ENTPD6: variants seen among roughly 807,000 people sequenced by gnomAD.
ENTPD6 encodes the protein CD39 antigen-like 2.
ENTPD6 carries 46 observed loss-of-function variants against 61.5 expected under a neutral mutation model. The ratio of observed to expected loss-of-function variants is 0.75; its 90% CI spans 0.59 to 0.96. The LOEUF (loss-of-function observed/expected upper bound fraction) is 0.96, where lower values mean the gene tolerates loss of function less well. Ranked by LOEUF, ENTPD6 falls within the 40% of genes least tolerant of loss-of-function variation. The pLI is 0.00. For synonymous variants in ENTPD6, 252 were observed against 255.5 expected (o/e 0.99, Z 0.13); for missense variants, 612 against 629.0 (o/e 0.97, Z 0.29).
intron 1 of ENTPD6, 147 bp from the exon 2 acceptor site, chr20:25,206,375 A>C: frequency 1.6e-6 from 1 of 624,062 alleles, no homozygotes; most frequent in Non-Finnish European, 2.8e-6. Context: ...GCTGCCTCGC[A>C]CTGGAGCAGC....
At chr20:25,197,230 ACCTGCCATC>A in intron 1 of ENTPD6, 1 of 985,366 alleles carries the variant, frequency 1.0e-6, no homozygotes. Flanking sequence ...CCAAGAGGTG[ACCTGCCATC>A]CCCATCTAGA....
intron 3 of ENTPD6, 61 bp from the exon 4 acceptor site, chr20:25,209,787 AT>A: frequency 7.1e-7 from 1 of 1,412,944 alleles, no homozygotes; most frequent in Non-Finnish European, 1.0e-6. Context: ...GCTAGTCATG[AT>A]TGTATGTGTT....
intron 12 of ENTPD6, among the ~76,000 whole-genome samples, chr20:25,223,561 C>T (rs753508098): frequency 3.9e-5 from 6 of 152,110 alleles, no homozygotes; most frequent in African/African-American, 7.2e-5. Context: ...TAAGCTGACA[C>T]GGTGCCGGCT....
At chr20:25,211,286 T>G (rs8115509) in intron 4 of ENTPD6, among the ~76,000 whole-genome samples, 41,922 of 152,180 alleles carry the variant, frequency 0.28, 6,600 homozygotes, top group East Asian at 0.61. Context: ...GATTCTAGAG[T>G]GACCTTACAG....
intron 8 of ENTPD6, 46 bp downstream of exon 8, chr20:25,216,782 C>G (rs780176216): frequency 6.8e-7 from 1 of 1,472,110 alleles, no homozygotes; most frequent in African/African-American, 1.4e-5. Context: ...CCCGAGGCCA[C>G]ACCGCCATGG....
Position 25,195,858 on chromosome 20 carries a change from G to T in ENTPD6, c.-25G>T, listed in dbSNP as rs2090323470. 4 of 1,237,434 alleles carry T rather than the reference G, an allele frequency of 3.2e-6. No individual in the cohort carries two copies. In the East Asian group the frequency reaches 9.5e-5, roughly 29 times the overall value. The allele number at this position is 1,237,434 out of a possible 1,614,324, so 76.7% of individuals were successfully genotyped here. A position where few individuals can be genotyped will look rare whatever the true frequency, so the allele number is the denominator to read the frequency against. On this transcript the variant is annotated 5_prime_UTR_variant, in exon 1 of 15. Transcript: ENST00000376652. ...CGTCTCCGTGGGTGTGGCGGAGCGC[G>T]CGGTGCATGGTAAGCGGCGGGCCGG...
chr20:25,199,588 G>A (rs1463675295), intron 1 of ENTPD6, among the ~76,000 whole-genome samples: 4 of 152,092 alleles, frequency 2.6e-5, no homozygotes, highest in Admixed American at 6.5e-5. Flanking sequence ...ATCACCATCC[G>A]TCTCCAGAAC....
At chr20:25,211,492 G>A (rs1252537804) in intron 4 of ENTPD6, among the ~76,000 whole-genome samples, 2 of 152,218 alleles carry the variant, frequency 1.3e-5, no homozygotes, top group Non-Finnish European at 2.9e-5. Context: ...GAGGCTGGTT[G>A]ATGTGTATGT....
Position 25,226,720 on chromosome 20 carries a change from CCTT to C in ENTPD6, c.*1126_*1128del, listed in dbSNP as rs1239663596. 6.6e-6 allele frequency: 1 copy of C among 152,324 alleles called. No individual in the cohort carries two copies. The highest frequency in any genetic ancestry group is 2.4e-5 in the African/African-American group (1 of 41,458). 9.4% of individuals were successfully genotyped at this position (152,324 alleles called of 1,614,324 possible). A position where few individuals can be genotyped will look rare whatever the true frequency, so the allele number is the denominator to read the frequency against. On this transcript the variant is annotated 3_prime_UTR_variant, in exon 15 of 15. Transcript: ENST00000376652. ...CAATAAAAGGTTGACAGGGGCTTCT[CCTT>C]CTCTGGGATTCCTCTCGTTGAGCGA...
At chr20:25,198,144 G>A (rs2090671411) in intron 1 of ENTPD6, among the ~76,000 whole-genome samples, 1 of 152,136 alleles carries the variant, frequency 6.6e-6, no homozygotes, top group Admixed American at 6.5e-5. Flanking sequence ...ATCTGATCAT[G>A]TAGAATATGG....
chr20:25,222,899 C>T lies in ENTPD6; in HGVS notation c.1107C>T (p.His369=). 6.2e-7 allele frequency: 1 copy of T among 1,614,124 alleles called. No homozygotes were observed. The highest frequency in any genetic ancestry group is 8.5e-7 in the Non-Finnish European group (1 of 1,180,040). ...CAGAGGTCCTTCAAAACAGAGTGCA[C>T]AGGACGGAGGAAGTGAAGCATGTGG... ...RVSEVLQNRV[H]RTEEVKHVDF... is the part of the protein sequence containing the mutation. The change falls in exon 12 of 15, where the codon CAC becomes CAT. Residue 369 remains histidine, a synonymous_variant. Coordinates refer to ENST00000376652, the MANE Select transcript of ENTPD6 (RefSeq NM_001247.5).
At chr20:25,204,247 A>G (rs576890002) in intron 1 of ENTPD6, among the ~76,000 whole-genome samples, 6 of 152,190 alleles carry the variant, frequency 3.9e-5, no homozygotes, top group African/African-American at 1.4e-4. Context: ...TCTCCCCTTT[A>G]TGCCTTGGTT....
intron 7 of ENTPD6, among the ~76,000 whole-genome samples, chr20:25,216,067 T>G (rs1049986688): frequency 6.6e-6 from 1 of 152,224 alleles, no homozygotes; most frequent in African/African-American, 2.4e-5. Context: ...GTGAATGCTA[T>G]TCACCTTCTA....
intron 1 of ENTPD6, among the ~76,000 whole-genome samples, chr20:25,204,438 C>T (rs2091296304): frequency 6.6e-6 from 1 of 151,730 alleles, no homozygotes; most frequent in Non-Finnish European, 1.5e-5. Context: ...AATTTATTTG[C>T]CTTGTTGGCT....
At chr20:25,201,638 C>A (rs987185663) in intron 1 of ENTPD6, among the ~76,000 whole-genome samples, 2 of 152,118 alleles carry the variant, frequency 1.3e-5, no homozygotes, top group African/African-American at 4.8e-5. Flanking sequence ...TACTTTCAGC[C>A]CATATGTGTT....
chr20:25,213,133 C>A, intron 4 of ENTPD6, 130 bp from the exon 5 acceptor site: 1 of 1,023,980 alleles, frequency 9.8e-7, no homozygotes, highest in Non-Finnish European at 1.5e-6. Flanking sequence ...CAAGCCACTT[C>A]ACTCTAGCCT....
At chr20:25,219,092 G>A (rs558318478) in intron 10 of ENTPD6, among the ~76,000 whole-genome samples, 1 of 152,366 alleles carries the variant, frequency 6.6e-6, no homozygotes, top group East Asian at 1.9e-4. Flanking sequence ...ATGTTGGCCA[G>A]TATGGTCTCG....
At position 25,225,715 on chromosome 20, in the gene ENTPD6, C is replaced by T. The variant is rs1318977213; in HGVS notation, c.*118C>T. ...ACAGGCCGTGCTGGCACTTTCTGCA[C>T]ACTGGCTCTGGGACTTGCAGAAGGC... On this transcript the variant is annotated 3_prime_UTR_variant, in exon 15 of 15. Transcript: ENST00000376652. 3.7e-6 allele frequency: 3 copies of T among 816,874 alleles called. No homozygotes were observed. The highest frequency in any genetic ancestry group is 3.4e-5 in the African/African-American group (2 of 58,272). 50.6% of individuals were successfully genotyped at this position (816,874 alleles called of 1,614,324 possible).
In ENTPD6 at chr20:25,227,010, C is replaced by A. The variant is rs1173263733; in HGVS notation, c.*1413C>A. On this transcript the variant is annotated 3_prime_UTR_variant, in exon 15 of 15. Transcript: ENST00000376652. Reference sequence around the variant, plus strand: ...GCCTGGGCACATAACCTCGAGTGAGCTGCAAGTCCCCATGTCATTCTGTTC... The same window carrying A: ...GCCTGGGCACATAACCTCGAGTGAGATGCAAGTCCCCATGTCATTCTGTTC... Among the ~76,000 whole-genome samples the A allele has an allele frequency of 6.6e-6, 1 of 152,260 alleles. No homozygotes were observed. The highest frequency in any genetic ancestry group is 2.4e-5 in the African/African-American group (1 of 41,466).
Sources: allele counts gnomAD v4.1 joint callset (sites outside exome capture counted in the v4.1 genomes callset), GRCh38; gene constraint gnomAD v4.1.1; transcripts MANE v1.5; gene names NCBI Gene and HGNC (gene_info 2026-07-23, HGNC 2026-07-21).